TOMM20L: variants seen among roughly 807,000 people sequenced by gnomAD.
The protein encoded by TOMM20L is TOMM20-like protein 1.
TOMM20L carries 19 observed loss-of-function variants against 20.4 expected under a neutral mutation model. The observed-to-expected ratio is 0.93, with a 90% CI of 0.65 to 1.36. TOMM20L has a LOEUF of 1.36. Among genes scored for constraint, TOMM20L ranks in the 40% most tolerant of loss-of-function variants. The pLI is 0.00. For synonymous variants in TOMM20L, 75 were observed against 79.6 expected, an observed-to-expected ratio of 0.94 and a Z score of 0.30; for missense variants, 218 against 203.7, an observed-to-expected ratio of 1.07 and a Z score of -0.43.
chr14:58,408,963 A>G (rs2036119037), downstream of TOMM20L: 1 of 1,558,184 alleles, frequency 6.4e-7, no homozygotes, highest in South Asian at 1.2e-5. Context: ...GGATTCTATC[A>G]GATGAGTCCT....
downstream of TOMM20L, chr14:58,409,257 T>G (rs149161683): frequency 5.5e-5 from 80 of 1,447,668 alleles, no homozygotes; most frequent in East Asian, 1.7e-3. Context: ...GTGGGGTAGT[T>G]TGCTTTTCTT....
At chr14:58,405,862 C>T (rs182271992) in intron 3 of TOMM20L, among the ~76,000 whole-genome samples, 5 of 152,308 alleles carry the variant, frequency 3.3e-5, no homozygotes, top group East Asian at 1.9e-4. Context: ...TTGCAGTTCT[C>T]GGTCTTGGCT....
At chr14:58,415,336 C>T in the TOMM20L span, among the ~76,000 whole-genome samples, 1 of 151,952 alleles carries the variant, frequency 6.6e-6, no homozygotes, top group African/African-American at 2.4e-5. Context: ...CTCATCACAC[C>T]AAGAACTAGG....
chr14:58,408,840 T>C (rs2036115370), downstream of TOMM20L: 1 of 795,574 alleles, frequency 1.3e-6, no homozygotes, highest in Non-Finnish European at 1.9e-6. Flanking sequence ...CACTGAACAA[T>C]AAGACCTTCT....
At chr14:58,416,445 A>C in the TOMM20L span, among the ~76,000 whole-genome samples, 1 of 152,188 alleles carries the variant, frequency 6.6e-6, no homozygotes, top group Non-Finnish European at 1.5e-5. Flanking sequence ...ATCTAGTGAA[A>C]ACAACCTTGA....
At chr14:58,412,646 A>T (rs1360531033), downstream of TOMM20L, among the ~76,000 whole-genome samples, 1 of 152,144 alleles carries the variant, frequency 6.6e-6, no homozygotes, top group Non-Finnish European at 1.5e-5. Context: ...CATGCCTGTA[A>T]TCCCAGCACT....
rs370863817 is a variant in TOMM20L at position 58,397,364 on chromosome 14, C to T, written c.180+1023C>T. 2.6e-5 allele frequency among the ~76,000 whole-genome samples: 4 copies of T among 152,282 alleles called. 1 individual carries two copies. On this transcript the variant is annotated intron_variant, in intron 2 of 4. Transcript: ENST00000360945. ...GCCCATGTGGAAGAGCAGATGGTAC[C>T]ACTTCTGGCAACATTGAAGCCTACT...
rs751094430 is a variant in TOMM20L at position 58,408,632 on chromosome 14, CA to C, written c.*51del. ...CCAGTGAGAATACTATGGTACCATA[CA>C]GTATAAACAACTGCTCAGTGATATT... On this transcript the variant is annotated 3_prime_UTR_variant, in exon 5 of 5. Transcript: ENST00000360945. 6 of 1,523,822 alleles carry C rather than the reference CA, an allele frequency of 3.9e-6. No homozygotes were observed. In the African/African-American group the frequency reaches 8.4e-5, roughly 21 times the overall value. 94.4% of individuals were successfully genotyped at this position (1,523,822 alleles called of 1,614,324 possible). A position where few individuals can be genotyped will look rare whatever the true frequency, so the allele number is the denominator to read the frequency against.
At chr14:58,400,149 T>C (rs990317855) in intron 2 of TOMM20L, among the ~76,000 whole-genome samples, 1 of 151,926 alleles carries the variant, frequency 6.6e-6, no homozygotes, top group African/African-American at 2.4e-5. Context: ...CTCACACTTG[T>C]AATCCCAGCA....
downstream of TOMM20L, chr14:58,410,862 C>T: frequency 6.2e-7 from 1 of 1,609,380 alleles, no homozygotes; most frequent in African/African-American, 1.3e-5. Flanking sequence ...TTTTACTTCT[C>T]TTGTTGTGAA....
the TOMM20L span, among the ~76,000 whole-genome samples, chr14:58,414,008 G>GGAAAA: frequency 9.5e-4 from 23 of 24,174 alleles, 2 homozygotes; most frequent in Admixed American, 7.0e-3. Context: ...TTCCGTCTCA[G>GGAAAA]AAAAAAAAAA....
Position 58,407,346 on chromosome 14 carries a change from CA to C in TOMM20L, c.285del (p.Gln95HisfsTer8). ...TTCAGGAGAGCACAGAATGGGGATT[CA>C]ACACCTCGGCAATGCCCTTTTAGTG... The part of the protein sequence containing the change: ...LSRGEHRMGI[Q>X]HLGNALLVCE... On this transcript the variant is annotated frameshift_variant, in exon 4 of 5. Transcript: ENST00000360945. LOFTEE classifies it high-confidence loss of function. 6.2e-7 allele frequency: 1 copy of C among 1,608,842 alleles called. No homozygotes were observed. Among genetic ancestry groups the C allele is most frequent in the African/African-American group, 1.3e-5 (1 of 74,638 alleles).
At chr14:58,402,619 G>T in intron 2 of TOMM20L, 61 bp from the exon 3 acceptor site, 3 of 1,284,356 alleles carry the variant, frequency 2.3e-6, no homozygotes, top group South Asian at 2.5e-5. Context: ...AAAATAATTT[G>T]ATCAGTAGCC....
At chr14:58,414,083 T>TA in the TOMM20L span, among the ~76,000 whole-genome samples, 230 of 132,608 alleles carry the variant, frequency 1.7e-3, no homozygotes, top group Non-Finnish European at 2.8e-3. Flanking sequence ...AAACAGCATG[T>TA]AAAAGGAAAA....
At chr14:58,408,366 G>A (rs2036098146) in intron 4 of TOMM20L, 163 bp from the exon 5 acceptor site, 1 of 607,142 alleles carries the variant, frequency 1.6e-6, no homozygotes, top group Non-Finnish European at 2.9e-6. Context: ...GCAGTGAGCT[G>A]AGATTGTGCC....
chr14:58,407,876 G>A (rs1479698972), intron 4 of TOMM20L, among the ~76,000 whole-genome samples: 1 of 152,152 alleles, frequency 6.6e-6, no homozygotes, highest in African/African-American at 2.4e-5. Flanking sequence ...TTACTAAACT[G>A]CTTGGTGTAT....
intron 2 of TOMM20L, among the ~76,000 whole-genome samples, chr14:58,396,673 C>T (rs1051111076): frequency 3.9e-5 from 6 of 152,374 alleles, no homozygotes; most frequent in South Asian, 4.1e-4. Context: ...CCCAGGCTGG[C>T]CACGGTCACA....
downstream of TOMM20L, chr14:58,408,832 C>T (rs181375938): frequency 1.4e-4 from 107 of 764,926 alleles, 1 homozygote; most frequent in African/African-American, 1.5e-3. Flanking sequence ...TATTATTTCA[C>T]TGAACAATAA....
downstream of TOMM20L, chr14:58,410,790 C>T (rs2036189836): frequency 1.6e-6 from 2 of 1,255,796 alleles, no homozygotes; most frequent in Non-Finnish European, 2.3e-6. Context: ...GGGGATCCTA[C>T]TTAGAGTGTT....
Sources: gnomAD v4.1 joint callset for allele counts (sites outside exome capture counted in the v4.1 genomes callset) on GRCh38, gnomAD v4.1.1 for gene constraint, MANE v1.5 for transcripts, NCBI Gene and HGNC (gene_info 2026-07-23, HGNC 2026-07-21) for gene names.